The following NCOA1 variants were observed in gnomAD, a reference collection of about 807,000 sequenced individuals.
NCOA1 encodes Hin-2 protein.
In NCOA1, 35 loss-of-function variants were observed where a neutral mutation model predicts 150.9. The observed-to-expected ratio is 0.23, with a 90% CI of 0.18 to 0.31. NCOA1 has a LOEUF of 0.31. Among genes scored for constraint, NCOA1 ranks in the 10% least tolerant of loss-of-function variants. The pLI, the probability that NCOA1 is intolerant of heterozygous loss-of-function variation, is 1.00. For synonymous variants in NCOA1, 590 were observed against 630.0 expected, an observed-to-expected ratio of 0.94 and a Z score of 0.95; for missense variants, 1,491 against 1,749.3, an observed-to-expected ratio of 0.85 and a Z score of 2.63.
chr2:24,769,848 C>A lies in NCOA1; in HGVS notation c.*1457C>A, dbSNP rs1665237274. ...AGCAAAGGTAGACCCCCATCACTCACCTTTGTCTGCATCCCTGGGCCTGTG... is the reference window on the plus strand; with the variant it reads ...AGCAAAGGTAGACCCCCATCACTCAACTTTGTCTGCATCCCTGGGCCTGTG... On this transcript the variant is annotated 3_prime_UTR_variant, in exon 23 of 23. Coordinates refer to ENST00000348332, the MANE Select transcript of NCOA1 (RefSeq NM_003743.5). 1 of 223,718 alleles carries A rather than the reference C, an allele frequency of 4.5e-6. No homozygotes were observed. Among genetic ancestry groups the A allele is most frequent in the Non-Finnish European group, 8.9e-6 (1 of 111,976 alleles). The allele number at this position is 223,718 out of a possible 1,614,324, so 13.9% of individuals were successfully genotyped here.
chr2:24,642,005 G>GGT (rs1199081970), intron 3 of NCOA1, among the ~76,000 whole-genome samples: 93 of 65,662 alleles, frequency 1.4e-3, no homozygotes, highest in African/African-American at 4.3e-3. Context: ...GATTACAGAG[G>GGT]GCGTGTGTGT....
chr2:24,506,248 T>C (rs1051872441), intron 1 of NCOA1, among the ~76,000 whole-genome samples: 1 of 152,088 alleles, frequency 6.6e-6, no homozygotes, highest in African/African-American at 2.4e-5. Context: ...CAGGAAAAGC[T>C]GTGTTTCCTT....
At position 24,729,685 on chromosome 2, in the gene NCOA1, A is replaced by G. The variant is rs1484915732; in HGVS notation, c.3071A>G (p.Gln1024Arg). ...QKPSLGTMPVQVTPPRGAFSP... is the reference protein window; with the variant it reads ...QKPSLGTMPVRVTPPRGAFSP... ...CCTTCACTGGGGACGATGCCTGTTC[A>G]AGTAACACCTCCCCGAGGTGCTTTT... The change falls in exon 17 of 23, where the codon CAA becomes CGA. Residue 1024 changes from glutamine to arginine, a missense_variant. Coordinates refer to ENST00000348332, the MANE Select transcript of NCOA1 (RefSeq NM_003743.5). 4.3e-6 allele frequency: 7 copies of G among 1,614,062 alleles called. No individual in the cohort carries two copies. The highest frequency in any genetic ancestry group is 5.1e-6 in the Non-Finnish European group (6 of 1,180,044).
intron 22 of NCOA1, among the ~76,000 whole-genome samples, chr2:24,765,896 C>CTTTT (rs773857143): frequency 7.8e-6 from 1 of 128,034 alleles, no homozygotes; most frequent in Non-Finnish European, 1.6e-5. Flanking sequence ...CAATAATACA[C>CTTTT]TTTTTTTTTT....
chr2:24,749,739 TA>T (rs1664123161), intron 19 of NCOA1, among the ~76,000 whole-genome samples: 1 of 152,106 alleles, frequency 6.6e-6, no homozygotes, highest in Non-Finnish European at 1.5e-5. Flanking sequence ...ATCCAACACC[TA>T]ATAAGGTAAA....
At chr2:24,558,911 T>C (rs1281647906) in intron 1 of NCOA1, among the ~76,000 whole-genome samples, 1 of 152,162 alleles carries the variant, frequency 6.6e-6, no homozygotes, top group African/African-American at 2.4e-5. Flanking sequence ...CTGTATGCTG[T>C]CTGCTTCTTA....
chr2:24,519,586 G>C (rs766677736), intron 1 of NCOA1, among the ~76,000 whole-genome samples: 3 of 151,048 alleles, frequency 2.0e-5, no homozygotes, highest in Non-Finnish European at 4.4e-5. Context: ...TTGGGATGCT[G>C]AGGCTGGAGG....
chr2:24,663,941 C>A (rs1219927389), intron 5 of NCOA1, among the ~76,000 whole-genome samples: 1 of 152,142 alleles, frequency 6.6e-6, no homozygotes, highest in Admixed American at 6.5e-5. Flanking sequence ...TTTGAGAGTT[C>A]CACGAAGAGA....
intron 17 of NCOA1, among the ~76,000 whole-genome samples, chr2:24,733,346 A>G (rs1299145738): frequency 1.6e-4 from 24 of 152,206 alleles, no homozygotes; most frequent in Admixed American, 1.4e-3. Context: ...AAAAAAGAAC[A>G]CCATTAGCGC....
intron 2 of NCOA1, among the ~76,000 whole-genome samples, chr2:24,581,195 G>C (rs549464488): frequency 5.9e-5 from 9 of 152,324 alleles, no homozygotes; most frequent in East Asian, 5.8e-4. Context: ...ACTCTGCTAG[G>C]CTTCTCCAAA....
At chr2:24,751,535 A>T (rs1194891875) in intron 19 of NCOA1, among the ~76,000 whole-genome samples, 1 of 151,264 alleles carries the variant, frequency 6.6e-6, no homozygotes, top group Non-Finnish European at 1.5e-5. Flanking sequence ...GTGAGCCAAG[A>T]TCGCACCACT....
intron 14 of NCOA1, among the ~76,000 whole-genome samples, chr2:24,718,888 G>T (rs951883567): frequency 2.0e-5 from 3 of 150,280 alleles, no homozygotes; most frequent in African/African-American, 7.3e-5. Flanking sequence ...AAAAAGCCAG[G>T]TGTGGTGGCG....
chr2:24,505,194 T>C (rs7576546), intron 1 of NCOA1, among the ~76,000 whole-genome samples: 3,342 of 151,784 alleles, frequency 0.022, 127 homozygotes, highest in African/African-American at 0.075. Flanking sequence ...CTTTTTTCTT[T>C]TTTTTTTTTG....
chr2:24,693,438 TATG>T, intron 10 of NCOA1, 91 bp downstream of exon 10: 1 of 1,151,432 alleles, frequency 8.7e-7, no homozygotes, highest in Non-Finnish European at 1.3e-6. Flanking sequence ...CTTTCTGTTC[TATG>T]AGATTTAGGC....
chr2:24,756,194 C>T (rs577003516), intron 20 of NCOA1, among the ~76,000 whole-genome samples: 10 of 152,106 alleles, frequency 6.6e-5, no homozygotes, highest in East Asian at 5.8e-4. Flanking sequence ...GCAGAGGTTA[C>T]GGTGAGCTGA....
chr2:24,698,691 T>A (rs1190977963), intron 11 of NCOA1, among the ~76,000 whole-genome samples: 2 of 152,236 alleles, frequency 1.3e-5, no homozygotes, highest in African/African-American at 4.8e-5. Context: ...TAGTTTCTTT[T>A]GTAAGAATCT....
At chr2:24,658,593 C>T in intron 4 of NCOA1, 68 bp from the exon 5 acceptor site, 2 of 1,157,970 alleles carry the variant, frequency 1.7e-6, no homozygotes, top group South Asian at 2.5e-5. Flanking sequence ...CAGAGGGGAG[C>T]TTCCCTACCT....
intron 3 of NCOA1, among the ~76,000 whole-genome samples, chr2:24,611,075 A>C (rs973490303): frequency 2.0e-5 from 3 of 152,108 alleles, no homozygotes; most frequent in African/African-American, 7.2e-5. Flanking sequence ...ATAGTACCCA[A>C]CAGTTAATTT....
chr2:24,639,906 ATG>A lies in NCOA1; in HGVS notation c.-174-4050_-174-4049del, dbSNP rs1187967345. ...CTGTCTCAAAAAAAAAAAAAAAAGT[ATG>A]TGTGTGTGTATATATATATATATAT... On this transcript the variant is annotated intron_variant, in intron 3 of 22. Transcript: ENST00000348332. Among the ~76,000 whole-genome samples the A allele has an allele frequency of 3.5e-4, 7 of 19,772 alleles. No homozygotes were observed. The South Asian group carries it at 7.9e-3, about 22-fold the overall frequency. The allele number at this position is 19,772 out of a possible 152,430, so 13.0% of individuals were successfully genotyped here.
Sources: allele counts gnomAD v4.1 joint callset (sites outside exome capture counted in the v4.1 genomes callset), GRCh38; gene constraint gnomAD v4.1.1; transcripts MANE v1.5; gene names NCBI Gene and HGNC (gene_info 2026-07-23, HGNC 2026-07-21).